The following SGCD variants were observed in gnomAD, a reference collection of about 807,000 sequenced individuals.
The protein encoded by SGCD is delta-sarcoglycan.
A neutral mutation model predicts 36.6 loss-of-function variants in SGCD; 18 were observed. The observed-to-expected ratio is 0.49, with a 90% CI of 0.34 to 0.73. The LOEUF (loss-of-function observed/expected upper bound fraction) is 0.73. SGCD is among the 30% of genes least tolerant of loss of function. SGCD has a pLI of 0.01. For missense variants in SGCD, 387 were observed against 346.7 expected (o/e 1.12, Z -0.92); for synonymous variants, 133 against 130.6 (o/e 1.02, Z -0.12).
intron 1 of SGCD, among the ~76,000 whole-genome samples, chr5:155,978,837 AAAG>A (rs1758173230): frequency 6.6e-6 from 1 of 152,170 alleles, no homozygotes; most frequent in Non-Finnish European, 1.5e-5. Flanking sequence ...TTAAAAAAAA[AAAG>A]AGTTAAGGTG....
In SGCD at chr5:155,955,035, G is replaced by A. The variant is rs117163567; in HGVS notation, c.-282+84611G>A. On this transcript the variant is annotated intron_variant, in intron 1 of 9. Transcript: ENST00000517913. ...TTGCTCAAGCTGCCAGGAAGGAGGC[G>A]TTCCATCCTACTTGCAGGAGGGTCA... is the stretch of plus-strand genomic sequence containing the variant. Among the ~76,000 whole-genome samples the A allele has an allele frequency of 1.8e-4, 27 of 152,274 alleles. No homozygotes were observed. In the East Asian group the frequency reaches 4.3e-3, roughly 24 times the overall value.
chr5:156,226,789 T>C (rs1764871027), intron 3 of SGCD, among the ~76,000 whole-genome samples: 2 of 152,098 alleles, frequency 1.3e-5, no homozygotes, highest in Non-Finnish European at 2.9e-5. Flanking sequence ...TTACCATTCT[T>C]GCAGGGGTAA....
At chr5:156,381,557 A>C (rs1229382321) in intron 3 of SGCD, among the ~76,000 whole-genome samples, 1 of 150,266 alleles carries the variant, frequency 6.7e-6, no homozygotes, top group Non-Finnish European at 1.5e-5. Flanking sequence ...CTACTAGGTA[A>C]ATGTCCTCAT....
chr5:156,679,515 G>T (rs749076193), intron 7 of SGCD, among the ~76,000 whole-genome samples: 11 of 152,142 alleles, frequency 7.2e-5, no homozygotes, highest in South Asian at 6.2e-4. Context: ...GCTGTATGGA[G>T]CCCTGGAAGA....
At chr5:156,263,951 G>A (rs940541874) in intron 3 of SGCD, among the ~76,000 whole-genome samples, 5 of 152,052 alleles carry the variant, frequency 3.3e-5, no homozygotes, top group Non-Finnish European at 7.4e-5. Context: ...GTTGTTCTAT[G>A]TGCCTATTTT....
chr5:155,787,863 G>A, the SGCD span, among the ~76,000 whole-genome samples: 1 of 152,030 alleles, frequency 6.6e-6, no homozygotes, highest in Non-Finnish European at 1.5e-5. Context: ...GATTCTCCAG[G>A]GATAATCATG....
intron 3 of SGCD, among the ~76,000 whole-genome samples, chr5:156,405,079 C>A (rs927905301): frequency 2.6e-5 from 4 of 152,138 alleles, no homozygotes; most frequent in Non-Finnish European, 5.9e-5. Context: ...AGGTCACAGA[C>A]TAAGAAAATC....
intron 3 of SGCD, among the ~76,000 whole-genome samples, chr5:156,219,066 G>C (rs77156821): frequency 0.046 from 6,987 of 152,266 alleles, 236 homozygotes; most frequent in Non-Finnish European, 0.071. Flanking sequence ...AATCATATGA[G>C]TGTTTCTGGA....
chr5:156,193,100 T>C (rs1380422941), intron 3 of SGCD, among the ~76,000 whole-genome samples: 1 of 152,130 alleles, frequency 6.6e-6, no homozygotes, highest in East Asian at 1.9e-4. Flanking sequence ...GGCAGTAGTT[T>C]GCTGATCACT....
chr5:156,032,005 T>G (rs1369946737), intron 1 of SGCD, among the ~76,000 whole-genome samples: 6 of 152,204 alleles, frequency 3.9e-5, no homozygotes, highest in Admixed American at 3.9e-4. Context: ...AAAATAAACT[T>G]ACCTATAAAT....
At chr5:156,597,997 G>C (rs1416888288) in intron 6 of SGCD, among the ~76,000 whole-genome samples, 1 of 152,016 alleles carries the variant, frequency 6.6e-6, no homozygotes, top group Non-Finnish European at 1.5e-5. Context: ...TACTTGCTGT[G>C]GCCTCTATCT....
intron 3 of SGCD, among the ~76,000 whole-genome samples, chr5:156,449,018 T>C (rs936020556): frequency 6.6e-6 from 1 of 152,142 alleles, no homozygotes; most frequent in Non-Finnish European, 1.5e-5. Context: ...CTTCCCAAAG[T>C]GCTGGGATTA....
chr5:156,117,523 C>A lies in SGCD; in HGVS notation c.-281-355C>A, dbSNP rs186404037. ...TTATTTTGGAAGGATTTTACTAAAG[C>A]AAAAATTAAATCCCAAAAATCATTT... On this transcript the variant is annotated intron_variant, in intron 1 of 9. Coordinates refer to the SGCD transcript ENST00000517913. 8.3e-3 allele frequency among the ~76,000 whole-genome samples: 1,263 copies of A among 152,178 alleles called. 13 individuals are homozygous for A. The highest frequency in any genetic ancestry group is 0.012 in the Non-Finnish European group (802 of 67,992).
intron 3 of SGCD, among the ~76,000 whole-genome samples, chr5:156,226,521 T>C (rs905055734): frequency 6.6e-6 from 1 of 152,182 alleles, no homozygotes; most frequent in African/African-American, 2.4e-5. Flanking sequence ...TGTGCTGCTA[T>C]AAACATGCAT....
At chr5:156,079,327 G>T (rs1035154619) in intron 1 of SGCD, among the ~76,000 whole-genome samples, 7 of 152,046 alleles carry the variant, frequency 4.6e-5, no homozygotes, top group Non-Finnish European at 8.8e-5. Context: ...GACTTAGTGG[G>T]GACATATAAT....
At chr5:155,806,225 A>G in the SGCD span, among the ~76,000 whole-genome samples, 2 of 152,134 alleles carry the variant, frequency 1.3e-5, no homozygotes, top group African/African-American at 4.8e-5. Flanking sequence ...CACGATATCA[A>G]ATCACCGCCA....
At chr5:156,671,623 G>A (rs973303245) in intron 7 of SGCD, among the ~76,000 whole-genome samples, 1 of 152,136 alleles carries the variant, frequency 6.6e-6, no homozygotes, top group Non-Finnish European at 1.5e-5. Context: ...AAAGTTTTGT[G>A]TACATAGATG....
the SGCD span, among the ~76,000 whole-genome samples, chr5:155,797,558 T>G: frequency 1.3e-5 from 2 of 152,254 alleles, no homozygotes; most frequent in East Asian, 3.9e-4. Flanking sequence ...AAGTACAGAG[T>G]TGCATTTCAA....
At chr5:155,734,542 C>A in the SGCD span, among the ~76,000 whole-genome samples, 1 of 152,212 alleles carries the variant, frequency 6.6e-6, no homozygotes, top group South Asian at 2.1e-4. Flanking sequence ...CTGACAGAAT[C>A]CAGATCTCTC....
Sources: gnomAD v4.1 joint callset for allele counts (sites outside exome capture counted in the v4.1 genomes callset) on GRCh38, gnomAD v4.1.1 for gene constraint, MANE v1.5 for transcripts, NCBI Gene and HGNC (gene_info 2026-07-23, HGNC 2026-07-21) for gene names.